Variants in KCNK2 observed in about 807,000 individuals in gnomAD.
The protein encoded by KCNK2 is potassium two pore domain channel subfamily K member 2.
Under a neutral mutation model 40.5 loss-of-function variants are expected in KCNK2, and 21 were observed. That is an observed-to-expected ratio of 0.52 (90% CI 0.37 to 0.75). The LOEUF (loss-of-function observed/expected upper bound fraction) is 0.75, where lower values mean the gene tolerates loss of function less well. KCNK2 is among the 30% of genes least tolerant of loss of function. The pLI, the probability that KCNK2 is intolerant of heterozygous loss-of-function variation, is 0.00. For missense variants in KCNK2, 399 were observed against 531.6 expected, an observed-to-expected ratio of 0.75 and a Z score of 2.45; for synonymous variants, 191 against 202.2, an observed-to-expected ratio of 0.94 and a Z score of 0.47.
At chr1:215,200,586 T>C (rs1341790326) in intron 6 of KCNK2, among the ~76,000 whole-genome samples, 1 of 152,220 alleles carries the variant, frequency 6.6e-6, no homozygotes, top group Non-Finnish European at 1.5e-5. Context: ...GAATGAATGA[T>C]GTTAGCAACA....
intron 5 of KCNK2, among the ~76,000 whole-genome samples, chr1:215,174,452 G>T (rs560718334): frequency 6.6e-6 from 1 of 152,174 alleles, no homozygotes; most frequent in African/African-American, 2.4e-5. Flanking sequence ...TTGGCAATGC[G>T]GGCTCTTTTT....
At chr1:215,011,916 T>C (rs1017760034) in intron 1 of KCNK2, among the ~76,000 whole-genome samples, 3 of 79,352 alleles carry the variant, frequency 3.8e-5, no homozygotes, top group Admixed American at 3.6e-4. Context: ...TTGAGTCTGA[T>C]TTTTTTTCAC....
rs919551516 is a variant in KCNK2, at chr1:215,141,588, G to T, written c.475+16838G>T. Among the ~76,000 whole-genome samples, 7 of 152,026 alleles carry T rather than the reference G, an allele frequency of 4.6e-5. No individual in the cohort carries two copies. The South Asian group carries it at 6.2e-4, about 13-fold the overall frequency. On this transcript the variant is annotated intron_variant, in intron 3 of 6. Coordinates refer to ENST00000444842, the MANE Select transcript of KCNK2 (RefSeq NM_001017425.3). ...ACTTTTCTTAAATGAAGGTACATAG[G>T]TGCAATAAATATTTCATACTTGCAA...
At chr1:215,119,335 A>G (rs146029257) in intron 2 of KCNK2, among the ~76,000 whole-genome samples, 5 of 152,348 alleles carry the variant, frequency 3.3e-5, no homozygotes, top group African/African-American at 1.2e-4. Flanking sequence ...GACAGCATTT[A>G]CAATTTACAA....
chr1:215,026,191 A>T (rs373441033), intron 1 of KCNK2, among the ~76,000 whole-genome samples: 2 of 151,900 alleles, frequency 1.3e-5, no homozygotes, highest in South Asian at 4.1e-4. Flanking sequence ...TTTTCTTGTC[A>T]GGTGGTTGTT....
At chr1:215,172,596 G>A (rs1416226220) in intron 5 of KCNK2, among the ~76,000 whole-genome samples, 1 of 152,092 alleles carries the variant, frequency 6.6e-6, no homozygotes. Context: ...CCCATCCTAC[G>A]CAAGTATAAC....
intron 2 of KCNK2, among the ~76,000 whole-genome samples, chr1:215,119,441 C>T (rs575114265): frequency 6.6e-6 from 1 of 152,252 alleles, no homozygotes; most frequent in Admixed American, 6.5e-5. Context: ...TTATCTTTAT[C>T]ATGTGTATGA....
chr1:215,058,643 CTA>C (rs1321738839), intron 1 of KCNK2, among the ~76,000 whole-genome samples: 1 of 152,126 alleles, frequency 6.6e-6, no homozygotes. Context: ...TCCCATTGTA[CTA>C]TGTTTAAAAT....
chr1:215,199,317 TAAAAATAAAATA>T (rs1437331495), intron 6 of KCNK2, among the ~76,000 whole-genome samples: 3 of 151,722 alleles, frequency 2.0e-5, no homozygotes, highest in African/African-American at 4.8e-5. Flanking sequence ...TCCAAAAAAA[TAAAAATAAAATA>T]AAAAATAAAA....
At chr1:215,098,895 C>T (rs1365581791) in intron 2 of KCNK2, among the ~76,000 whole-genome samples, 1 of 151,906 alleles carries the variant, frequency 6.6e-6, no homozygotes, top group Non-Finnish European at 1.5e-5. Context: ...CTTAGGAGTG[C>T]ATATGTGTTC....
In KCNK2 at chr1:215,207,791, G is replaced by C. The variant is rs1011718597; in HGVS notation, c.963+12699G>C. On this transcript the variant is annotated intron_variant, in intron 6 of 6. Transcript: ENST00000444842. ...AAAAAAAGTTAAACACTGATCATTA[G>C]AGAAATGCAAATCAAAAGCAAAATT... 5.6e-4 allele frequency among the ~76,000 whole-genome samples: 85 copies of C among 152,250 alleles called. 1 individual carries two copies. The highest frequency in any genetic ancestry group is 2.0e-3 in the African/African-American group (84 of 41,536).
At chr1:215,162,942 T>C (rs1185516212) in intron 3 of KCNK2, among the ~76,000 whole-genome samples, 1 of 151,964 alleles carries the variant, frequency 6.6e-6, no homozygotes. Context: ...AAATTTAAAA[T>C]AGTTTTTTCT....
chr1:215,203,826 C>T (rs1426136090), intron 6 of KCNK2, among the ~76,000 whole-genome samples: 1 of 151,750 alleles, frequency 6.6e-6, no homozygotes, highest in African/African-American at 2.4e-5. Flanking sequence ...ATCACAAGGT[C>T]AGGAGATCGA....
intron 1 of KCNK2, among the ~76,000 whole-genome samples, chr1:215,007,067 G>GTGTATATATATA (rs1656171733): frequency 1.5e-5 from 2 of 130,058 alleles, no homozygotes; most frequent in South Asian, 2.4e-4. Context: ...ATATGTGTGT[G>GTGTATATATATA]TGTGTATATA....
At chr1:215,061,075 C>T (rs1658347800) in intron 1 of KCNK2, among the ~76,000 whole-genome samples, 1 of 151,978 alleles carries the variant, frequency 6.6e-6, no homozygotes. Context: ...TTGACCATTG[C>T]TCTAATGATG....
intron 5 of KCNK2, among the ~76,000 whole-genome samples, chr1:215,182,910 T>C (rs1262333773): frequency 6.6e-6 from 1 of 152,160 alleles, no homozygotes; most frequent in Non-Finnish European, 1.5e-5. Flanking sequence ...GCTTTCTCCC[T>C]TGGCCTGGGT....
At chr1:215,083,606 C>G (rs1659284576) in intron 1 of KCNK2, 175 bp downstream of exon 1, 1 of 615,370 alleles carries the variant, frequency 1.6e-6, no homozygotes, top group African/African-American at 1.8e-5. Flanking sequence ...GCCAGATCCT[C>G]TCCACGCCGC....
At chr1:215,166,020 G>T (rs544767593) in intron 3 of KCNK2, among the ~76,000 whole-genome samples, 2 of 152,236 alleles carry the variant, frequency 1.3e-5, no homozygotes, top group Admixed American at 1.3e-4. Context: ...ATGTGTGATT[G>T]CCTTATTGTA....
At chr1:215,221,014 G>A (rs1459323170) in intron 6 of KCNK2, among the ~76,000 whole-genome samples, 1 of 152,216 alleles carries the variant, frequency 6.6e-6, no homozygotes, top group East Asian at 1.9e-4. Context: ...CAATGCAGGA[G>A]TGAGGGGCAC....
Sources: gnomAD v4.1 joint callset for allele counts (sites outside exome capture counted in the v4.1 genomes callset) on GRCh38, gnomAD v4.1.1 for gene constraint, MANE v1.5 for transcripts, NCBI Gene and HGNC (gene_info 2026-07-23, HGNC 2026-07-21) for gene names.